Variants in CUX2 observed in about 807,000 individuals in gnomAD.
CUX2 encodes cut like homeobox 2, also known as homeobox protein cut-like 2.
Under a neutral mutation model 144.8 loss-of-function variants are expected in CUX2, and 40 were observed. That is an observed-to-expected ratio of 0.28 (90% confidence interval 0.21 to 0.36). The LOEUF (loss-of-function observed/expected upper bound fraction) is 0.36. CUX2 is among the 10% of genes least tolerant of loss of function. The pLI is 1.00. For synonymous variants in CUX2, 827 were observed against 875.6 expected, an observed-to-expected ratio of 0.94 and a Z score of 0.98; for missense variants, 1,615 against 1,994.0, an observed-to-expected ratio of 0.81 and a Z score of 3.62.
chr12:111,115,279 CTT>C (rs869307048), intron 1 of CUX2, among the ~76,000 whole-genome samples: 517 of 88,664 alleles, frequency 5.8e-3, no homozygotes, highest in South Asian at 0.023. Flanking sequence ...AATAAAATTT[CTT>C]TTTTTTTTTT....
intron 21 of CUX2, among the ~76,000 whole-genome samples, chr12:111,346,313 T>TA (rs1485972143): frequency 5.9e-5 from 9 of 151,580 alleles, no homozygotes; most frequent in African/African-American, 2.2e-4. Flanking sequence ...CTGCCTCTAC[T>TA]AAAAATACAA....
At position 111,234,246 on chromosome 12, in the gene CUX2, G is replaced by T. The variant is rs548583155; in HGVS notation, c.222+16309G>T. 9.2e-5 allele frequency among the ~76,000 whole-genome samples: 14 copies of T among 152,356 alleles called. No individual in the cohort carries two copies. In the South Asian group the frequency reaches 2.5e-3, roughly 27 times the overall value. On this transcript the variant is annotated intron_variant, in intron 3 of 21. Transcript: ENST00000261726. ...CCCTGAATACACAGCCTTGCACACA[G>T]TGGTACATTTTGGACAGGTGAATGG...
intron 1 of CUX2, among the ~76,000 whole-genome samples, chr12:111,055,442 T>C (rs954670751): frequency 2.6e-5 from 4 of 152,274 alleles, no homozygotes; most frequent in African/African-American, 9.6e-5. Context: ...GGATATCCTC[T>C]TCAGCCTCTG....
intron 1 of CUX2, among the ~76,000 whole-genome samples, chr12:111,195,894 T>G (rs1880211331): frequency 1.3e-5 from 2 of 152,202 alleles, no homozygotes. Flanking sequence ...AATTCACCTA[T>G]TATACATGTA....
intron 8 of CUX2, among the ~76,000 whole-genome samples, chr12:111,298,244 G>T (rs978430698): frequency 1.3e-5 from 2 of 152,196 alleles, no homozygotes; most frequent in African/African-American, 4.8e-5. Flanking sequence ...TAAAGCCGGG[G>T]GCTGTTCTCT....
intron 1 of CUX2, among the ~76,000 whole-genome samples, chr12:111,185,105 C>T (rs1879444083): frequency 6.6e-6 from 1 of 152,170 alleles, no homozygotes; most frequent in Non-Finnish European, 1.5e-5. Context: ...GGGATATCCT[C>T]TGAGTAAAAC....
chr12:111,122,512 G>T (rs1464700325), intron 1 of CUX2, among the ~76,000 whole-genome samples: 1 of 152,186 alleles, frequency 6.6e-6, no homozygotes, highest in East Asian at 1.9e-4. Context: ...AAAGATAAAA[G>T]GATTTCCCTC....
At chr12:111,084,680 CG>C (rs1454122644) in intron 1 of CUX2, among the ~76,000 whole-genome samples, 1 of 152,134 alleles carries the variant, frequency 6.6e-6, no homozygotes, top group African/African-American at 2.4e-5. Context: ...GGACTCACAG[CG>C]ATGAATTATT....
chr12:111,034,638 G>T lies in CUX2; in HGVS notation c.63+398G>T, dbSNP rs2135995596. Among the ~76,000 whole-genome samples, 1 of 151,580 alleles carries T rather than the reference G, an allele frequency of 6.6e-6. No homozygotes were observed. The highest frequency in any genetic ancestry group is 2.1e-4 in the South Asian group (1 of 4,828). On this transcript the variant is annotated intron_variant, in intron 1 of 21. Transcript: ENST00000261726. This position sits in a 1 kb window ranked among gnomAD's most constrained non-coding sequence, Gnocchi z 4.2. ...CTCCCAACTTCGCGGCGCCCGGGGA[G>T]GCCGCGGAGCGCGCCGCTTGCCAGT...
intron 16 of CUX2, among the ~76,000 whole-genome samples, chr12:111,316,694 C>A (rs1887213509): frequency 1.3e-5 from 2 of 152,010 alleles, no homozygotes; most frequent in Admixed American, 6.6e-5. Flanking sequence ...AAGTGATCGG[C>A]CTGCCTCAGT....
chr12:111,047,743 C>T (rs948260449), intron 1 of CUX2, among the ~76,000 whole-genome samples: 3 of 152,208 alleles, frequency 2.0e-5, no homozygotes, highest in Non-Finnish European at 2.9e-5. Flanking sequence ...CTATAGGCCC[C>T]GCACAATGCC....
intron 1 of CUX2, among the ~76,000 whole-genome samples, chr12:111,129,950 T>C (rs1408890793): frequency 3.9e-5 from 6 of 152,188 alleles, no homozygotes; most frequent in Admixed American, 2.6e-4. Context: ...ATTGATCACC[T>C]GACCTCTATA....
chr12:111,313,210 C>T (rs1305022240), intron 16 of CUX2, among the ~76,000 whole-genome samples: 34 of 149,672 alleles, frequency 2.3e-4, no homozygotes, highest in Admixed American at 8.6e-4. Flanking sequence ...TACACGCACG[C>T]GCCACCACAC....
At chr12:111,082,550 G>GC (rs895656498) in intron 1 of CUX2, among the ~76,000 whole-genome samples, 1 of 152,176 alleles carries the variant, frequency 6.6e-6, no homozygotes, top group African/African-American at 2.4e-5. Flanking sequence ...GTGGCAGGTC[G>GC]CCCCTGGGAT....
intron 1 of CUX2, among the ~76,000 whole-genome samples, chr12:111,076,899 ACT>A (rs1172424188): frequency 6.6e-6 from 1 of 152,024 alleles, no homozygotes; most frequent in Non-Finnish European, 1.5e-5. Context: ...ATAAGATATG[ACT>A]CTTAACGAGG....
At chr12:111,074,771 C>T (rs554530460) in intron 1 of CUX2, among the ~76,000 whole-genome samples, 9 of 152,160 alleles carry the variant, frequency 5.9e-5, no homozygotes, top group African/African-American at 2.2e-4. Flanking sequence ...CAGACGGCGG[C>T]AGGGCCCAGC....
intron 4 of CUX2, among the ~76,000 whole-genome samples, chr12:111,264,777 T>C (rs1884296507): frequency 6.6e-6 from 1 of 152,158 alleles, no homozygotes. Context: ...CTGTGATATG[T>C]GCTTCAGTGA....
intron 1 of CUX2, among the ~76,000 whole-genome samples, chr12:111,135,489 C>CA (rs1421238465): frequency 6.6e-6 from 1 of 152,030 alleles, no homozygotes; most frequent in African/African-American, 2.4e-5. Context: ...GGAATATACC[C>CA]AAAAAAATTG....
rs114840881 is a variant in CUX2, at chr12:111,113,694, A to G, written c.63+79454A>G. ...CTCAGCTTCCTGAGTAGCTGGTACT[A>G]TGGGCATGTGCCACCACACCCAGCT... On this transcript the variant is annotated intron_variant, in intron 1 of 21. Transcript: ENST00000261726. 4.7e-3 allele frequency among the ~76,000 whole-genome samples: 720 copies of G among 152,202 alleles called. 10 individuals are homozygous for G. The highest frequency in any genetic ancestry group is 0.016 in the African/African-American group (678 of 41,522).
Sources: gnomAD v4.1 joint callset for allele counts (sites outside exome capture counted in the v4.1 genomes callset) on GRCh38, gnomAD v4.1.1 for gene constraint, Gnocchi (gnomAD v3.1) non-coding constraint, MANE v1.5 for transcripts, NCBI Gene and HGNC (gene_info 2026-07-23, HGNC 2026-07-21) for gene names.